The following PRIM2 variants were observed in gnomAD, a reference collection of about 807,000 sequenced individuals.
PRIM2 encodes the protein DNA primase subunit 2, also known as DNA primase large subunit.
A neutral mutation model predicts 67.3 loss-of-function variants in PRIM2; 39 were observed. The observed-to-expected ratio is 0.58, with a 90% CI of 0.45 to 0.76. The LOEUF (loss-of-function observed/expected upper bound fraction) is 0.76, where lower values mean the gene tolerates loss of function less well. Among genes scored for constraint, PRIM2 ranks in the 30% least tolerant of loss-of-function variants. The probability of loss-of-function intolerance (pLI) is 0.00; values close to 1 mark genes in which losing one functional copy is unlikely to be tolerated. For synonymous variants in PRIM2, 143 were observed against 198.7 expected, an observed-to-expected ratio of 0.72 and a Z score of 2.36; for missense variants, 398 against 598.7, an observed-to-expected ratio of 0.66 and a Z score of 3.50.
chr6:57,604,235 A>G (rs1776521920), intron 11 of PRIM2, among the ~76,000 whole-genome samples: 1 of 152,176 alleles, frequency 6.6e-6, no homozygotes, highest in Non-Finnish European at 1.5e-5. Flanking sequence ...CAGTTGGCTG[A>G]GATGGCACCA....
upstream of PRIM2, among the ~76,000 whole-genome samples, chr6:57,313,979 G>A (rs1767433125): frequency 6.6e-6 from 1 of 152,218 alleles, no homozygotes; most frequent in Non-Finnish European, 1.5e-5. Flanking sequence ...CTGTAGCTGG[G>A]TAATGCCCAA....
At chr6:57,531,176 A>G (rs1306090482) in intron 8 of PRIM2, among the ~76,000 whole-genome samples, 6 of 152,042 alleles carry the variant, frequency 3.9e-5, no homozygotes, top group Non-Finnish European at 8.8e-5. Flanking sequence ...TTTTTTTGAG[A>G]CAGTCTCGCT....
intron 10 of PRIM2, among the ~76,000 whole-genome samples, chr6:57,547,953 G>A (rs1252985019): frequency 6.6e-6 from 1 of 152,292 alleles, no homozygotes; most frequent in East Asian, 1.9e-4. Flanking sequence ...CTCAGCATCA[G>A]CATCATTTGG....
the PRIM2 span, among the ~76,000 whole-genome samples, chr6:57,259,531 G>C: frequency 6.6e-6 from 1 of 152,030 alleles, no homozygotes. Flanking sequence ...AAGAGATAAG[G>C]GTATGCCTGT....
intron 7 of PRIM2, among the ~76,000 whole-genome samples, chr6:57,416,919 A>G (rs1187266611): frequency 9.3e-5 from 14 of 151,260 alleles, no homozygotes; most frequent in Admixed American, 6.6e-4. Context: ...AGACCATTAA[A>G]ACTTTCTTTA....
chr6:57,574,124 G>A (rs1190205108), intron 10 of PRIM2, among the ~76,000 whole-genome samples: 2 of 152,158 alleles, frequency 1.3e-5, no homozygotes, highest in Non-Finnish European at 2.9e-5. Context: ...CCTGCACTGT[G>A]GCCTATGATT....
intron 7 of PRIM2, among the ~76,000 whole-genome samples, chr6:57,498,570 C>A (rs1774058479): frequency 6.6e-6 from 1 of 152,246 alleles, no homozygotes; most frequent in South Asian, 2.1e-4. Context: ...CTAAATTGTA[C>A]TGATTACCTG....
Position 57,552,664 on chromosome 6 carries a change from A to C in PRIM2, c.1020+15039A>C, listed in dbSNP as rs1394123573. Among the ~76,000 whole-genome samples the C allele has an allele frequency of 1.4e-3, 212 of 152,274 alleles. 5 individuals carry two copies. The East Asian group carries it at 0.019, about 14-fold the overall frequency. On this transcript the variant is annotated intron_variant, in intron 10 of 13. Coordinates refer to ENST00000615550, the MANE Select transcript of PRIM2 (RefSeq NM_000947.5). ...TTTGTCTCCACATCTTTGGACCTCA[A>C]GGCCTTTTATTTCAACCTCTCATTT...
chr6:57,355,511 C>T (rs2127305871), intron 5 of PRIM2, among the ~76,000 whole-genome samples: 1 of 152,242 alleles, frequency 6.6e-6, no homozygotes, highest in Middle Eastern at 3.4e-3. Flanking sequence ...AATTTGGATC[C>T]AGGCACCCAG....
intron 10 of PRIM2, among the ~76,000 whole-genome samples, chr6:57,538,055 G>C (rs1775036491): frequency 1.3e-5 from 2 of 151,382 alleles, no homozygotes; most frequent in Admixed American, 6.6e-5. Context: ...CTGTTGCCCA[G>C]GCTGGGCTGG....
intron 7 of PRIM2, among the ~76,000 whole-genome samples, chr6:57,474,349 T>G (rs1773419364): frequency 6.6e-6 from 1 of 151,364 alleles, no homozygotes; most frequent in African/African-American, 2.4e-5. Context: ...TAATTTTTTG[T>G]TTTTTTAGTA....
intron 10 of PRIM2, among the ~76,000 whole-genome samples, chr6:57,575,148 A>C (rs1775939902): frequency 6.6e-6 from 1 of 152,194 alleles, no homozygotes; most frequent in South Asian, 2.1e-4. Flanking sequence ...TGGTGGATAA[A>C]CAATACACTT....
chr6:57,607,115 T>G (rs1776578000), intron 12 of PRIM2, among the ~76,000 whole-genome samples: 2 of 152,314 alleles, frequency 1.3e-5, no homozygotes, highest in South Asian at 2.1e-4. Flanking sequence ...GGGAAGAGCT[T>G]CTGCTTCCTT....
chr6:57,397,994 T>A (rs1240533643), intron 7 of PRIM2, among the ~76,000 whole-genome samples: 1 of 149,850 alleles, frequency 6.7e-6, no homozygotes, highest in Non-Finnish European at 1.5e-5. Context: ...GGAGTCTTGC[T>A]CTTGTTCCAG....
upstream of PRIM2, among the ~76,000 whole-genome samples, chr6:57,315,855 C>T (rs1767471776): frequency 6.6e-6 from 1 of 151,840 alleles, no homozygotes; most frequent in Admixed American, 6.6e-5. Flanking sequence ...GTTTGCTATC[C>T]AGAGATAAGA....
At chr6:57,580,105 T>C (rs1370182195) in intron 10 of PRIM2, among the ~76,000 whole-genome samples, 2 of 152,144 alleles carry the variant, frequency 1.3e-5, no homozygotes, top group Non-Finnish European at 2.9e-5. Context: ...ACCCTAGACT[T>C]TGCTGGGTGC....
intron 12 of PRIM2, among the ~76,000 whole-genome samples, chr6:57,610,852 C>A (rs1479740502): frequency 6.6e-6 from 1 of 152,068 alleles, no homozygotes; most frequent in Non-Finnish European, 1.5e-5. Context: ...TACTGTCAAC[C>A]AACTTTACCT....
At chr6:57,324,091 AGAAAT>A in intron 3 of PRIM2, 105 bp from the exon 4 acceptor site, 1 of 628,762 alleles carries the variant, frequency 1.6e-6, no homozygotes, top group Non-Finnish European at 2.8e-6. Flanking sequence ...CTCTAAAAAA[AGAAAT>A]GTTTTTGAAA....
intron 8 of PRIM2, among the ~76,000 whole-genome samples, chr6:57,519,953 A>G (rs1774577080): frequency 6.6e-6 from 1 of 152,340 alleles, no homozygotes; most frequent in East Asian, 1.9e-4. Flanking sequence ...TCCCGCAACA[A>G]CTTATTCAAA....
Sources: allele counts gnomAD v4.1 joint callset (sites outside exome capture counted in the v4.1 genomes callset), GRCh38; gene constraint gnomAD v4.1.1; transcripts MANE v1.5; gene names NCBI Gene and HGNC (gene_info 2026-07-23, HGNC 2026-07-21).